Variants in NLRP8 observed in about 807,000 individuals in gnomAD.
The protein encoded by NLRP8 is NLR family pyrin domain containing 8, also known as NACHT, LRR and PYD domains-containing protein 8.
A neutral mutation model predicts 88.7 loss-of-function variants in NLRP8; 86 were observed. That is an observed-to-expected ratio of 0.97 (90% CI 0.81 to 1.16). The LOEUF (loss-of-function observed/expected upper bound fraction) is 1.16, where lower values mean the gene tolerates loss of function less well. NLRP8 is among the 50% of genes most tolerant of loss of function. The probability of loss-of-function intolerance (pLI) is 0.00; values close to 1 mark genes in which losing one functional copy is unlikely to be tolerated. For synonymous variants in NLRP8, 504 were observed against 494.6 expected (o/e 1.02, Z -0.25); for missense variants, 1,342 against 1,286.5 (o/e 1.04, Z -0.66).
intron 3 of NLRP8, among the ~76,000 whole-genome samples, chr19:55,957,643 G>A (rs1341420368): frequency 7.1e-5 from 10 of 139,886 alleles, no homozygotes; most frequent in African/African-American, 1.7e-4. Context: ...CCGAGATCGC[G>A]CCACTATCTT....
chr19:55,960,358 T>C (rs957434178), intron 3 of NLRP8, among the ~76,000 whole-genome samples: 7 of 152,174 alleles, frequency 4.6e-5, no homozygotes, highest in Admixed American at 2.0e-4. Flanking sequence ...TCCCAACTTA[T>C]GTGGGCAATT....
chr19:55,978,112 A>G (rs1980423719), intron 8 of NLRP8, among the ~76,000 whole-genome samples: 1 of 152,142 alleles, frequency 6.6e-6, no homozygotes, highest in African/African-American at 2.4e-5. Context: ...TGTTTCCAGT[A>G]TACCTGTGGG....
At chr19:55,979,292 C>G in intron 8 of NLRP8, 102 bp from the exon 9 acceptor site, 2 of 1,252,432 alleles carry the variant, frequency 1.6e-6, no homozygotes, top group Non-Finnish European at 2.3e-6. Flanking sequence ...ATTACACATT[C>G]CTGTCAGTGT....
At chr19:55,968,905 A>C (rs982456203) in intron 5 of NLRP8, among the ~76,000 whole-genome samples, 13 of 152,122 alleles carry the variant, frequency 8.5e-5, no homozygotes, top group African/African-American at 3.1e-4. Flanking sequence ...CATTTGGTGG[A>C]AACATGATGT....
intron 3 of NLRP8, among the ~76,000 whole-genome samples, chr19:55,960,865 G>A (rs1979577218): frequency 2.1e-5 from 3 of 145,478 alleles, no homozygotes; most frequent in Non-Finnish European, 4.5e-5. Flanking sequence ...TTTCCCCCTT[G>A]ACATACTTTT....
At position 55,948,113 on chromosome 19, in the gene NLRP8, A is replaced by G. The variant is rs1978930157; in HGVS notation, c.211A>G (p.Ile71Val). 16 of 1,614,066 alleles carry G rather than the reference A, an allele frequency of 9.9e-6. No homozygotes were observed. Among genetic ancestry groups the G allele is most frequent in the African/African-American group, 1.3e-5 (1 of 74,932 alleles). The change falls in exon 1 of 10, where the codon ATC (isoleucine) becomes GTC (valine). Residue 71 changes from isoleucine to valine, a missense_variant. Transcript: ENST00000291971. Reference sequence around the variant, plus strand: ...TGAGCTCAGTACTGGCACCATGCCCATCACCTGGGACCAGGTCGAGACAGC... The same window carrying G: ...TGAGCTCAGTACTGGCACCATGCCCGTCACCTGGGACCAGGTCGAGACAGC...
intron 1 of NLRP8, among the ~76,000 whole-genome samples, chr19:55,949,330 C>A (rs992988980): frequency 2.0e-5 from 3 of 152,052 alleles, no homozygotes; most frequent in Non-Finnish European, 4.4e-5. Context: ...CTCCACCTCC[C>A]AGGTTCAAGC....
chr19:55,975,143 A>T (rs1253023154), intron 7 of NLRP8, among the ~76,000 whole-genome samples: 1 of 152,154 alleles, frequency 6.6e-6, no homozygotes, highest in Non-Finnish European at 1.5e-5. Context: ...TAACCATCGA[A>T]TCCCCTCTTT....
intron 2 of NLRP8, 57 bp from the exon 3 acceptor site, chr19:55,954,440 ATTAG>A (rs1979235689): frequency 2.0e-6 from 3 of 1,520,018 alleles, no homozygotes; most frequent in Non-Finnish European, 2.7e-6. Flanking sequence ...TTATTGCTCT[ATTAG>A]TTCTTGCAAT....
intron 9 of NLRP8, among the ~76,000 whole-genome samples, chr19:55,986,640 CT>C (rs1980853732): frequency 6.6e-6 from 1 of 152,254 alleles, no homozygotes; most frequent in South Asian, 2.1e-4. Context: ...AGAAAAGTGC[CT>C]GTTCCCTGGG....
In NLRP8 at chr19:55,988,050, C is replaced by G. The variant is rs997636928; in HGVS notation, c.*137C>G. The G allele has an allele frequency of 7.5e-6, 5 of 665,308 alleles. No individual in the cohort carries two copies. Among genetic ancestry groups the G allele is most frequent in the Non-Finnish European group, 1.1e-5 (4 of 371,102 alleles). 41.2% of individuals were successfully genotyped at this position (665,308 alleles called of 1,614,324 possible). Reference sequence around the variant, plus strand: ...AGCAACCCAGTCAACACCACAGAACCTCAGCTTTGAACCCTGGAGTGAGGA... The same window carrying G: ...AGCAACCCAGTCAACACCACAGAACGTCAGCTTTGAACCCTGGAGTGAGGA... On this transcript the variant is annotated 3_prime_UTR_variant, in exon 10 of 10. Coordinates refer to ENST00000291971, the MANE Select transcript of NLRP8 (RefSeq NM_176811.2).
chr19:55,953,621 T>C (rs1979195886), intron 2 of NLRP8, among the ~76,000 whole-genome samples: 1 of 151,988 alleles, frequency 6.6e-6, no homozygotes, highest in Non-Finnish European at 1.5e-5. Flanking sequence ...TGCCTTAGCC[T>C]CCTGCGTAGC....
intron 7 of NLRP8, among the ~76,000 whole-genome samples, chr19:55,974,876 G>A (rs926851612): frequency 6.6e-6 from 1 of 152,016 alleles, no homozygotes; most frequent in Non-Finnish European, 1.5e-5. Context: ...TTTACTGTCT[G>A]TTCTTTCTGG....
Position 55,970,574 on chromosome 19 carries a change from T to A in NLRP8, c.2412T>A (p.Ile804=). ...AAGACTGCTTGGCCACCCCTAGAATTTGGACTGATCTTGGCAATAATCTTC... is the reference window on the plus strand; with the variant it reads ...AAGACTGCTTGGCCACCCCTAGAATATGGACTGATCTTGGCAATAATCTTC... The change falls in exon 6 of 10, where the codon ATT becomes ATA. Residue 804 remains isoleucine, a synonymous_variant. Coordinates refer to ENST00000291971, the MANE Select transcript of NLRP8 (RefSeq NM_176811.2). The A allele has an allele frequency of 6.2e-7, 1 of 1,614,068 alleles. No individual in the cohort carries two copies. The highest frequency in any genetic ancestry group is 1.1e-5 in the South Asian group (1 of 91,078).
At chr19:55,956,301 T>C (rs1215807421) in intron 3 of NLRP8, among the ~76,000 whole-genome samples, 6 of 152,156 alleles carry the variant, frequency 3.9e-5, no homozygotes, top group Admixed American at 3.9e-4. Flanking sequence ...TGGAGTGCAG[T>C]GGTGCAATCT....
intron 4 of NLRP8, among the ~76,000 whole-genome samples, chr19:55,963,467 T>G (rs968063540): frequency 6.6e-6 from 1 of 152,194 alleles, no homozygotes; most frequent in South Asian, 2.1e-4. Flanking sequence ...TGTTAGCAGG[T>G]GCCTGCGTGG....
chr19:55,959,860 A>T (rs576892838), intron 3 of NLRP8, among the ~76,000 whole-genome samples: 2 of 152,330 alleles, frequency 1.3e-5, no homozygotes, highest in South Asian at 4.1e-4. Context: ...TCTATAAGGA[A>T]GGTCTGAGTC....
At chr19:55,981,807 GA>G (rs1980583197) in intron 9 of NLRP8, among the ~76,000 whole-genome samples, 1 of 151,890 alleles carries the variant, frequency 6.6e-6, no homozygotes, top group South Asian at 2.1e-4. Context: ...AAAACTCAAA[GA>G]TCTAGAAAGC....
In NLRP8 at chr19:55,987,725, A is replaced by G. The variant is rs113161223; in HGVS notation, c.3048-89A>G. ...AGGTGGGAGGGGTACGGTCTGTAGA[A>G]AAAGCATAGAGACAAAATGCAAGCT... On this transcript the variant is annotated intron_variant, in intron 9 of 9. Coordinates refer to ENST00000291971, the MANE Select transcript of NLRP8 (RefSeq NM_176811.2). 5.2e-5 allele frequency: 49 copies of G among 949,908 alleles called. 2 individuals are homozygous for G. The highest frequency in any genetic ancestry group is 3.2e-4 in the African/African-American group (20 of 62,304). The allele number at this position is 949,908 out of a possible 1,614,324, so 58.8% of individuals were successfully genotyped here.
Sources: gnomAD v4.1 joint callset for allele counts (sites outside exome capture counted in the v4.1 genomes callset) on GRCh38, gnomAD v4.1.1 for gene constraint, MANE v1.5 for transcripts, NCBI Gene and HGNC (gene_info 2026-07-23, HGNC 2026-07-21) for gene names.